The following THAP6 variants were observed in gnomAD, a reference collection of about 807,000 sequenced individuals.
THAP6 encodes the protein THAP domain containing 6.
THAP6 carries 13 observed loss-of-function variants against 20.0 expected under a neutral mutation model. The observed-to-expected ratio is 0.65, with a 90% CI of 0.42 to 1.03. The LOEUF is 1.03. Among genes scored for constraint, THAP6 ranks in the 50% least tolerant of loss-of-function variants. The pLI, the probability that THAP6 is intolerant of heterozygous loss-of-function variation, is 0.00. For synonymous variants in THAP6, 93 were observed against 92.2 expected (o/e 1.01, Z -0.05); for missense variants, 262 against 261.6 (o/e 1.00, Z -0.01).
chr4:75,545,744 T>A (rs985264613), intron 3 of THAP6, among the ~76,000 whole-genome samples: 4 of 152,182 alleles, frequency 2.6e-5, no homozygotes, highest in Non-Finnish European at 4.4e-5. Context: ...CCAGGCAGCG[T>A]CCGCAGTTGT....
Position 75,537,358 on chromosome 4 carries a change from G to A in THAP6, c.166-5051G>A, listed in dbSNP as rs191534483. Among the ~76,000 whole-genome samples the A allele has an allele frequency of 1.6e-4, 25 of 152,248 alleles. 1 individual carries two copies. In the East Asian group the frequency reaches 1.9e-3, roughly 12 times the overall value. On this transcript the variant is annotated intron_variant, in intron 2 of 4. Coordinates refer to the THAP6 transcript ENST00000502620. ...TTCCCATGTGTTGTGGGAGGGGCCC[G>A]GTGGGAGATAATTGAATCATGAGAG...
chr4:75,523,610 C>T (rs1253287175), intron 4 of THAP6, among the ~76,000 whole-genome samples: 1 of 151,924 alleles, frequency 6.6e-6, no homozygotes, highest in African/African-American at 2.4e-5. Context: ...TCGAGACCAG[C>T]CTGGGAAACA....
chr4:75,516,864 G>GAGATGTGTT lies in THAP6; in HGVS notation c.174_182dup (p.Asp59_Leu61dup), dbSNP rs937047356. The GAGATGTGTT allele has an allele frequency of 6.2e-7, 1 of 1,614,014 alleles. No individual in the cohort carries two copies. The highest frequency in any genetic ancestry group is 1.3e-5 in the African/African-American group (1 of 74,902). On this transcript the variant is annotated inframe_insertion, in exon 3 of 5. Coordinates refer to ENST00000311638, the MANE Select transcript of THAP6 (RefSeq NM_144721.6). ...GCCGGCATTTGGGAGCCTAAAAAAG[G>GAGATGTGTT]AGATGTGTTGTGTTCGAGGCACTTT...
intron 1 of THAP6, 22 bp from the exon 2 acceptor site, chr4:75,515,411 T>C (rs376447608): frequency 6.2e-7 from 1 of 1,602,850 alleles, no homozygotes; most frequent in South Asian, 1.1e-5. Context: ...TACTAACTCT[T>C]AACATTCTAA....
intron 2 of THAP6, chr4:75,539,959 G>T (rs911269501): frequency 3.3e-6 from 5 of 1,535,370 alleles, no homozygotes; most frequent in Non-Finnish European, 3.5e-6. Flanking sequence ...ACAGTGGTCA[G>T]GTAGGCTATT....
chr4:75,531,705 CA>C (rs1726685314), downstream of THAP6, among the ~76,000 whole-genome samples: 1 of 151,660 alleles, frequency 6.6e-6, no homozygotes, highest in African/African-American at 2.4e-5. Flanking sequence ...ATAATCATGG[CA>C]GAAGGCAAGG....
chr4:75,540,097 T>C (rs1160813489), intron 2 of THAP6: 2 of 1,027,470 alleles, frequency 1.9e-6, no homozygotes, highest in East Asian at 5.2e-5. Context: ...TGACAAGCCA[T>C]TTAATCTATC....
intron 2 of THAP6, chr4:75,539,735 G>A: frequency 7.1e-7 from 1 of 1,400,400 alleles, no homozygotes; most frequent in Non-Finnish European, 9.5e-7. Context: ...CACTTACAAA[G>A]TAGACAATAG....
At chr4:75,514,270 C>A (rs1322143817), upstream of THAP6, 1 of 1,612,504 alleles carries the variant, frequency 6.2e-7, no homozygotes, top group Admixed American at 1.7e-5. Context: ...GCCATCTTCC[C>A]GGGCCGTCGC....
At chr4:75,539,533 TAGAACATAAG>T (rs1267661779) in intron 2 of THAP6, among the ~76,000 whole-genome samples, 2 of 152,166 alleles carry the variant, frequency 1.3e-5, no homozygotes, top group Non-Finnish European at 2.9e-5. Context: ...AATTACAAAA[TAGAACATAAG>T]TTTGTCAGTG....
chr4:75,537,452 A>G (rs953613586), intron 2 of THAP6, among the ~76,000 whole-genome samples: 2 of 151,764 alleles, frequency 1.3e-5, no homozygotes, highest in Non-Finnish European at 2.9e-5. Flanking sequence ...GATAAGGGGA[A>G]ACCCATTTTG....
At chr4:75,532,232 CAA>C (rs764170847), downstream of THAP6, among the ~76,000 whole-genome samples, 7 of 152,174 alleles carry the variant, frequency 4.6e-5, no homozygotes, top group Non-Finnish European at 1.0e-4. Context: ...TTGGCCAAAA[CAA>C]AGAGGCTACA....
intron 2 of THAP6, among the ~76,000 whole-genome samples, chr4:75,538,937 C>G (rs955724039): frequency 5.9e-5 from 9 of 152,244 alleles, no homozygotes; most frequent in African/African-American, 1.9e-4. Flanking sequence ...ATGATGAGCA[C>G]TAGTCACAGC....
At chr4:75,534,078 A>G (rs921340000), downstream of THAP6, among the ~76,000 whole-genome samples, 6 of 152,136 alleles carry the variant, frequency 3.9e-5, no homozygotes, top group African/African-American at 1.2e-4. Flanking sequence ...TGTCCCTACA[A>G]AGGACATGAA....
At position 75,527,479 on chromosome 4, in the gene THAP6, A is replaced by G. The variant is rs1215901394; in HGVS notation, c.*265A>G. 1 of 1,231,772 alleles carries G rather than the reference A, an allele frequency of 8.1e-7. No individual in the cohort carries two copies. 76.3% of individuals were successfully genotyped at this position (1,231,772 alleles called of 1,614,324 possible). A position where few individuals can be genotyped will look rare whatever the true frequency, so the allele number is the denominator to read the frequency against. ...TTGTAAGATGTTAAAATCTCAAGAAAATTTCACAGAGCTAAAGAAATGATG... is the reference window on the plus strand; with the variant it reads ...TTGTAAGATGTTAAAATCTCAAGAAGATTTCACAGAGCTAAAGAAATGATG... On this transcript the variant is annotated 3_prime_UTR_variant, in exon 5 of 5. Transcript: ENST00000311638.
chr4:75,540,050 A>T, intron 2 of THAP6: 1 of 1,414,188 alleles, frequency 7.1e-7, no homozygotes, highest in Non-Finnish European at 9.4e-7. Flanking sequence ...GGAAAATTTC[A>T]ATCACCATCC....
chr4:75,539,326 G>A (rs1441595871), intron 2 of THAP6, among the ~76,000 whole-genome samples: 2 of 152,124 alleles, frequency 1.3e-5, no homozygotes, highest in African/African-American at 4.8e-5. Context: ...AGACTAACAT[G>A]TTTAGTGTAA....
At position 75,521,910 on chromosome 4, in the gene THAP6, T is replaced by C. The variant is rs1383163900; in HGVS notation, c.414+49T>C. The C allele has an allele frequency of 1.9e-6, 3 of 1,608,932 alleles. No individual in the cohort carries two copies. The East Asian group carries it at 6.7e-5, about 36-fold the overall frequency. On this transcript the variant is annotated intron_variant, in intron 4 of 4. Coordinates refer to ENST00000311638, the MANE Select transcript of THAP6 (RefSeq NM_144721.6). ...CATGTTAATTCTTTTAAGATGAATA[T>C]GTCCTCTCCATTACAATCAAATTTT...
chr4:75,527,553 A>C lies in THAP6; in HGVS notation c.*339A>C. 9.4e-7 allele frequency: 1 copy of C among 1,063,742 alleles called. No homozygotes were observed. Among genetic ancestry groups the C allele is most frequent in the African/African-American group, 1.7e-5 (1 of 60,204 alleles). 65.9% of individuals were successfully genotyped at this position (1,063,742 alleles called of 1,614,324 possible). On this transcript the variant is annotated 3_prime_UTR_variant, in exon 5 of 5. Transcript: ENST00000311638. The stretch of plus-strand genomic sequence containing the variant: ...AGTAGAAGGAATTGGACACTTCTCC[A>C]GATATTTGGCTTCAAAGGAGTACCT...
Sources: gnomAD v4.1 joint callset for allele counts (sites outside exome capture counted in the v4.1 genomes callset) on GRCh38, gnomAD v4.1.1 for gene constraint, MANE v1.5 for transcripts, NCBI Gene and HGNC (gene_info 2026-07-23, HGNC 2026-07-21) for gene names.